NKAIN2: variants seen among roughly 807,000 people sequenced by gnomAD.
NKAIN2 encodes the protein sodium/potassium transporting ATPase interacting 2, also known as sodium/potassium-transporting ATPase subunit beta-1-interacting protein 2.
In NKAIN2, 14 loss-of-function variants were observed where a neutral mutation model predicts 32.6. That is an observed-to-expected ratio of 0.43 (90% confidence interval 0.28 to 0.67). NKAIN2 has a LOEUF of 0.67. NKAIN2 is among the 30% of genes least tolerant of loss of function. The pLI is 0.17. For missense variants in NKAIN2, 198 were observed against 258.3 expected (o/e 0.77, Z 1.60); for synonymous variants, 80 against 87.2 (o/e 0.92, Z 0.46).
chr6:124,253,679 A>G (rs911403611), intron 1 of NKAIN2, among the ~76,000 whole-genome samples: 5 of 152,170 alleles, frequency 3.3e-5, no homozygotes, highest in African/African-American at 7.2e-5. Context: ...TAAAATTTGC[A>G]TGGTGAACCA....
chr6:124,375,260 A>G (rs1004023478), intron 3 of NKAIN2, among the ~76,000 whole-genome samples: 8 of 151,870 alleles, frequency 5.3e-5, no homozygotes, highest in African/African-American at 1.5e-4. Context: ...CATGGCACTT[A>G]TCATAGTCTG....
chr6:124,015,018 G>A (rs1780497795), intron 1 of NKAIN2, among the ~76,000 whole-genome samples: 2 of 152,078 alleles, frequency 1.3e-5, no homozygotes, highest in Non-Finnish European at 2.9e-5. Flanking sequence ...AGGGATGGAT[G>A]TTCTAATCCA....
At chr6:123,858,368 G>C (rs6927811) in intron 1 of NKAIN2, among the ~76,000 whole-genome samples, 1 of 151,916 alleles carries the variant, frequency 6.6e-6, no homozygotes, top group African/African-American at 2.4e-5. Flanking sequence ...TGCCCGCCTC[G>C]GCCTCCCAAA....
chr6:124,779,314 GGGAGGGAAGGAAGGAAGGA>G (rs1779145382), intron 4 of NKAIN2, among the ~76,000 whole-genome samples: 1 of 79,556 alleles, frequency 1.3e-5, no homozygotes, highest in Admixed American at 1.3e-4. Flanking sequence ...GAGGGAGGGA[GGGAGGGAAGGAAGGAAGGA>G]AGGAAGGAAG....
intron 2 of NKAIN2, among the ~76,000 whole-genome samples, chr6:124,307,074 C>CGGGAA (rs1796536419): frequency 6.6e-6 from 1 of 151,990 alleles, no homozygotes; most frequent in Non-Finnish European, 1.5e-5. Flanking sequence ...AAGGCCCGCT[C>CGGGAA]GGGAAGGTCT....
intron 3 of NKAIN2, among the ~76,000 whole-genome samples, chr6:124,404,957 T>C (rs1251543752): frequency 6.6e-6 from 1 of 152,190 alleles, no homozygotes; most frequent in Non-Finnish European, 1.5e-5. Context: ...CTCTTTTTTG[T>C]TGACTCTTAT....
intron 1 of NKAIN2, among the ~76,000 whole-genome samples, chr6:123,914,991 T>C (rs902066815): frequency 1.3e-5 from 2 of 152,180 alleles, no homozygotes; most frequent in Non-Finnish European, 2.9e-5. Flanking sequence ...TCAAAGTCTC[T>C]GGGAAGGTGG....
intron 5 of NKAIN2, among the ~76,000 whole-genome samples, chr6:124,815,574 A>C (rs1562400690): frequency 6.6e-6 from 1 of 151,044 alleles, no homozygotes; most frequent in African/African-American, 2.5e-5. Flanking sequence ...CCAGCCAATA[A>C]TTTTTTTAAG....
intron 4 of NKAIN2, among the ~76,000 whole-genome samples, chr6:124,678,870 C>T (rs1773485771): frequency 6.6e-6 from 1 of 152,204 alleles, no homozygotes; most frequent in Non-Finnish European, 1.5e-5. Context: ...AACCCACCTA[C>T]AGACTCTGAC....
intron 4 of NKAIN2, among the ~76,000 whole-genome samples, chr6:124,727,338 A>G (rs988599842): frequency 3.3e-5 from 5 of 152,216 alleles, no homozygotes; most frequent in African/African-American, 1.2e-4. Context: ...AGGGAAGCCC[A>G]TCAGACTAAC....
At chr6:124,707,994 A>C (rs1001662117) in intron 4 of NKAIN2, among the ~76,000 whole-genome samples, 1 of 148,436 alleles carries the variant, frequency 6.7e-6, no homozygotes, top group East Asian at 2.0e-4. Context: ...TTAAGTCTTT[A>C]ATCCATCTTG....
At chr6:123,819,610 T>A (rs1300760917) in intron 1 of NKAIN2, among the ~76,000 whole-genome samples, 1 of 152,046 alleles carries the variant, frequency 6.6e-6, no homozygotes, top group Non-Finnish European at 1.5e-5. Flanking sequence ...TAAAGAAAAG[T>A]GGAAGGAAGA....
chr6:124,341,709 C>T lies in NKAIN2; in HGVS notation c.193-13558C>T, dbSNP rs551216974. ...TGATTAGAATTGGATTTCTGTCACA[C>T]TCTGGCTGATAACCTTATCAGAACT... On this transcript the variant is annotated intron_variant, in intron 2 of 6. Transcript: ENST00000368417. Among the ~76,000 whole-genome samples the T allele has an allele frequency of 2.2e-3, 341 of 152,280 alleles. 1 individual carries two copies. Among genetic ancestry groups the T allele is most frequent in the South Asian group, 4.1e-3 (20 of 4,828 alleles).
At chr6:124,758,562 T>C (rs1712668374) in intron 4 of NKAIN2, among the ~76,000 whole-genome samples, 1 of 152,080 alleles carries the variant, frequency 6.6e-6, no homozygotes, top group Non-Finnish European at 1.5e-5. Flanking sequence ...GACTAAGACA[T>C]CAACAAAGAC....
At chr6:124,600,736 A>C (rs148404653) in intron 3 of NKAIN2, among the ~76,000 whole-genome samples, 1 of 152,058 alleles carries the variant, frequency 6.6e-6, no homozygotes, top group Non-Finnish European at 1.5e-5. Context: ...CTATAGATAA[A>C]AGTCAGTTAT....
intron 3 of NKAIN2, among the ~76,000 whole-genome samples, chr6:124,649,719 A>G (rs1020477575): frequency 6.6e-6 from 1 of 152,332 alleles, no homozygotes; most frequent in East Asian, 1.9e-4. Context: ...CTTTCAACAT[A>G]TAACAGTCAG....
In NKAIN2 at chr6:124,331,403, C is replaced by T. The variant is rs965665167; in HGVS notation, c.193-23864C>T. On this transcript the variant is annotated intron_variant, in intron 2 of 6. Transcript: ENST00000368417. ...AACTAGCTGGGCGTGGTGGCGGATG[C>T]CTGTAGTCCCAACTACACGGGAGGC... is the stretch of plus-strand genomic sequence containing the variant. 2.1e-5 allele frequency among the ~76,000 whole-genome samples: 3 copies of T among 139,888 alleles called. No individual in the cohort carries two copies. In the South Asian group the frequency reaches 6.8e-4, roughly 32 times the overall value. 91.8% of individuals were successfully genotyped at this position (139,888 alleles called of 152,430 possible). A position where few individuals can be genotyped will look rare whatever the true frequency, so the allele number is the denominator to read the frequency against.
intron 1 of NKAIN2, among the ~76,000 whole-genome samples, chr6:123,837,651 C>T (rs537028733): frequency 2.0e-4 from 30 of 152,228 alleles, no homozygotes; most frequent in African/African-American, 6.3e-4. Flanking sequence ...TTCCTCCACT[C>T]AAAAATTTTC....
chr6:124,787,211 T>A (rs777421133), intron 4 of NKAIN2, among the ~76,000 whole-genome samples: 2 of 152,136 alleles, frequency 1.3e-5, no homozygotes, highest in Non-Finnish European at 2.9e-5. Context: ...TATTAACTCA[T>A]TCTTTAAGGT....
Sources: allele counts gnomAD v4.1 joint callset (sites outside exome capture counted in the v4.1 genomes callset), GRCh38; gene constraint gnomAD v4.1.1; transcripts MANE v1.5; gene names NCBI Gene and HGNC (gene_info 2026-07-23, HGNC 2026-07-21).